The following NTM variants were observed in gnomAD, a reference collection of about 807,000 sequenced individuals.
NTM encodes neurotrimin.
A neutral mutation model predicts 42.1 loss-of-function variants in NTM; 13 were observed. The ratio of observed to expected loss-of-function variants is 0.31; its 90% CI spans 0.20 to 0.49. The LOEUF (loss-of-function observed/expected upper bound fraction) is 0.49, where lower values mean the gene tolerates loss of function less well. Among genes scored for constraint, NTM ranks in the 20% least tolerant of loss-of-function variants. The pLI is 0.99. For missense variants in NTM, 373 were observed against 452.8 expected (o/e 0.82, Z 1.60); for synonymous variants, 187 against 179.2 (o/e 1.04, Z -0.35).
intron 2 of NTM, among the ~76,000 whole-genome samples, chr11:132,048,175 G>T (rs2078283985): frequency 6.6e-6 from 1 of 152,076 alleles, no homozygotes; most frequent in Non-Finnish European, 1.5e-5. Context: ...AGATCACACT[G>T]CTGCCTGACC....
chr11:131,966,963 G>C (rs2062916981), intron 2 of NTM, among the ~76,000 whole-genome samples: 2 of 152,142 alleles, frequency 1.3e-5, no homozygotes, highest in Admixed American at 6.5e-5. Flanking sequence ...TTGCTGATGG[G>C]TTACATGTGG....
intron 1 of NTM, among the ~76,000 whole-genome samples, chr11:131,512,062 C>G (rs2048319596): frequency 6.6e-6 from 1 of 151,976 alleles, no homozygotes; most frequent in South Asian, 2.1e-4. Context: ...AGGTAAGCAC[C>G]TACTCAAGTA....
chr11:131,524,954 C>T (rs1481335843), intron 1 of NTM, among the ~76,000 whole-genome samples: 1 of 152,180 alleles, frequency 6.6e-6, no homozygotes, highest in East Asian at 1.9e-4. Context: ...TGAGTGAGAG[C>T]ACACATGCAC....
rs112652188 is a variant in NTM at position 131,665,197 on chromosome 11, G to A, written c.83-246367G>A. 2.5e-3 allele frequency among the ~76,000 whole-genome samples: 375 copies of A among 152,306 alleles called. 3 individuals are homozygous for A. Among genetic ancestry groups the A allele is most frequent in the African/African-American group, 8.6e-3 (358 of 41,552 alleles). The stretch of plus-strand genomic sequence containing the variant: ...ATCCTTCCCACGCCTCATCTCTGGA[G>A]TGAGTTATCTTAATCCTGACATTTG... On this transcript the variant is annotated intron_variant, in intron 1 of 8. Coordinates refer to ENST00000683400, the MANE Select transcript of NTM (RefSeq NM_001352005.2).
chr11:131,620,539 A>T (rs565015400), intron 1 of NTM, among the ~76,000 whole-genome samples: 11 of 152,068 alleles, frequency 7.2e-5, no homozygotes, highest in Admixed American at 5.9e-4. Flanking sequence ...CCCCTTGCTC[A>T]CTCAGCCCCA....
At chr11:132,119,766 G>A (rs2064467118) in intron 2 of NTM, among the ~76,000 whole-genome samples, 1 of 152,200 alleles carries the variant, frequency 6.6e-6, no homozygotes, top group Non-Finnish European at 1.5e-5. Flanking sequence ...GCTACAGAAG[G>A]GCAGAGCTGT....
intron 2 of NTM, among the ~76,000 whole-genome samples, chr11:131,947,359 G>A (rs770951920): frequency 1.2e-4 from 18 of 152,032 alleles, no homozygotes; most frequent in African/African-American, 2.7e-4. Flanking sequence ...CTTCTGGACC[G>A]CTTCAGGAAC....
chr11:131,576,770 A>G (rs1368076730), intron 1 of NTM, among the ~76,000 whole-genome samples: 1 of 152,208 alleles, frequency 6.6e-6, no homozygotes, highest in African/African-American at 2.4e-5. Flanking sequence ...TAACATAATC[A>G]TTAATGGCAA....
At chr11:131,422,064 T>C (rs751886879) in intron 1 of NTM, among the ~76,000 whole-genome samples, 2 of 152,208 alleles carry the variant, frequency 1.3e-5, no homozygotes, top group African/African-American at 2.4e-5. Flanking sequence ...CCCTGCATTT[T>C]GTCCACAACG....
At chr11:132,053,461 A>G (rs992730899) in intron 2 of NTM, among the ~76,000 whole-genome samples, 6 of 152,184 alleles carry the variant, frequency 3.9e-5, no homozygotes, top group Admixed American at 2.6e-4. Flanking sequence ...TCTAGTCACC[A>G]AACAAACTCA....
intron 4 of NTM, among the ~76,000 whole-genome samples, chr11:132,243,671 T>C (rs919538568): frequency 1.3e-5 from 2 of 152,216 alleles, no homozygotes; most frequent in Admixed American, 1.3e-4. Flanking sequence ...GACCTTCCGA[T>C]GTACCCAAGC....
intron 3 of NTM, among the ~76,000 whole-genome samples, chr11:132,182,896 TACAGGTTTC>T (rs1185203458): frequency 2.0e-5 from 3 of 152,196 alleles, no homozygotes; most frequent in Admixed American, 6.5e-5. Context: ...AGATTTTACT[TACAGGTTTC>T]ACATATGCTT....
intron 1 of NTM, among the ~76,000 whole-genome samples, chr11:131,813,740 G>A (rs372090586): frequency 2.0e-5 from 3 of 152,124 alleles, no homozygotes; most frequent in African/African-American, 7.2e-5. Flanking sequence ...CTAGAAACTT[G>A]ACTGCAACAC....
chr11:131,635,032 C>T (rs745984805), intron 1 of NTM, among the ~76,000 whole-genome samples: 6 of 152,248 alleles, frequency 3.9e-5, no homozygotes, highest in South Asian at 2.1e-4. Context: ...GCATATTCCA[C>T]GGTGATTTCC....
intron 4 of NTM, among the ~76,000 whole-genome samples, chr11:132,254,511 G>C (rs944066320): frequency 6.6e-6 from 1 of 151,882 alleles, no homozygotes; most frequent in Non-Finnish European, 1.5e-5. Flanking sequence ...GTGTCTCTCT[G>C]TGCTCCGCCG....
intron 3 of NTM, 64 bp from the exon 4 acceptor site, chr11:132,211,958 A>G (rs1592251973): frequency 6.5e-7 from 1 of 1,549,630 alleles, no homozygotes; most frequent in Non-Finnish European, 8.7e-7. Context: ...GCCAACTACC[A>G]TGTTAAGACA....
intron 1 of NTM, among the ~76,000 whole-genome samples, chr11:131,444,039 C>T (rs772018831): frequency 3.3e-5 from 5 of 151,752 alleles, no homozygotes; most frequent in South Asian, 4.2e-4. Context: ...AAAATGTTTG[C>T]GTTATTAAAT....
At chr11:132,110,463 A>G (rs1412388316) in intron 2 of NTM, among the ~76,000 whole-genome samples, 2 of 152,232 alleles carry the variant, frequency 1.3e-5, no homozygotes, top group Non-Finnish European at 2.9e-5. Context: ...GTATGCACTG[A>G]GTATATTCCT....
At chr11:132,314,485 C>CTATG (rs2095370415) in intron 6 of NTM, 67 bp from the exon 7 acceptor site, 1 of 1,513,434 alleles carries the variant, frequency 6.6e-7, no homozygotes, top group African/African-American at 1.4e-5. Context: ...ATCCCTGGGC[C>CTATG]TATCTTCTTC....
Sources: allele counts gnomAD v4.1 joint callset (sites outside exome capture counted in the v4.1 genomes callset), GRCh38; gene constraint gnomAD v4.1.1; transcripts MANE v1.5; gene names NCBI Gene and HGNC (gene_info 2026-07-23, HGNC 2026-07-21).